Variants in KIAA0513 observed in about 807,000 individuals in gnomAD.
KIAA0513 encodes the protein KIAA0513.
KIAA0513 carries 39 observed loss-of-function variants against 56.5 expected under a neutral mutation model. The observed-to-expected ratio is 0.69, with a 90% CI of 0.53 to 0.90. The LOEUF (loss-of-function observed/expected upper bound fraction) is 0.90. Among genes scored for constraint, KIAA0513 ranks in the 40% least tolerant of loss-of-function variants. The probability of loss-of-function intolerance (pLI) is 0.00; values close to 1 mark genes in which losing one functional copy is unlikely to be tolerated. For synonymous variants in KIAA0513, 268 were observed against 215.6 expected, an observed-to-expected ratio of 1.24 and a Z score of -2.13; for missense variants, 591 against 535.2, an observed-to-expected ratio of 1.10 and a Z score of -1.03.
At chr16:85,043,401 ATTTTTTTTTTT>A (rs761248323) in intron 1 of KIAA0513, among the ~76,000 whole-genome samples, 4 of 77,910 alleles carry the variant, frequency 5.1e-5, no homozygotes, top group South Asian at 5.5e-4. Context: ...TGCTTCTTGG[ATTTTTTTTTTT>A]TTTTTTTTTT....
chr16:85,038,582 C>T (rs1214670122), intron 1 of KIAA0513, among the ~76,000 whole-genome samples: 6 of 151,778 alleles, frequency 4.0e-5, no homozygotes, highest in Admixed American at 2.0e-4. Flanking sequence ...GTGGTGGGCA[C>T]CTGTAATCCC....
At chr16:85,033,813 T>C (rs1310417092) in intron 1 of KIAA0513, among the ~76,000 whole-genome samples, 2 of 152,178 alleles carry the variant, frequency 1.3e-5, no homozygotes, top group African/African-American at 4.8e-5. Context: ...GACTAAGTAA[T>C]ATGTGCAGAT....
intron 12 of KIAA0513, 62 bp from the exon 13 acceptor site, chr16:85,088,214 C>T: frequency 6.7e-7 from 1 of 1,489,336 alleles, no homozygotes; most frequent in South Asian, 1.1e-5. Context: ...GTGACAAGAG[C>T]AGGATATACC....
rs3751752 is a variant in KIAA0513 at position 85,081,884 on chromosome 16, G to A, written c.980+492G>A. On this transcript the variant is annotated intron_variant, in intron 9 of 12. Coordinates refer to ENST00000683363, the MANE Select transcript of KIAA0513 (RefSeq NM_001388359.1). The surrounding 1 kb of genome is among the most constrained non-coding windows in gnomAD (Gnocchi z 4.4). ...AGCTTCACCGAGGGCCACCTCGCAC[G>A]TGGCAGAGGGGAGGGGCTGGCACCC... Among the ~76,000 whole-genome samples the A allele has an allele frequency of 0.061, 9,251 of 152,286 alleles. 467 individuals carry two copies. The highest frequency in any genetic ancestry group is 0.26 in the East Asian group (1,340 of 5,166).
At chr16:85,083,260 C>T (rs1597647281) in intron 10 of KIAA0513, among the ~76,000 whole-genome samples, 1 of 152,188 alleles carries the variant, frequency 6.6e-6, no homozygotes, top group Non-Finnish European at 1.5e-5. Flanking sequence ...TTTCTGTGGG[C>T]TCGAATCCTT....
At chr16:85,048,406 C>T (rs1411505725) in intron 1 of KIAA0513, among the ~76,000 whole-genome samples, 1 of 152,170 alleles carries the variant, frequency 6.6e-6, no homozygotes, top group African/African-American at 2.4e-5. Flanking sequence ...TGTCTGTATC[C>T]AGGTAGTCAC....
intron 1 of KIAA0513, among the ~76,000 whole-genome samples, chr16:85,034,205 C>T (rs1472337881): frequency 1.3e-5 from 2 of 151,976 alleles, no homozygotes; most frequent in Non-Finnish European, 2.9e-5. Flanking sequence ...ATGGTGAAAA[C>T]CTCTCTCTTA....
chr16:85,028,018 CG>C (rs1201412262), intron 1 of KIAA0513, among the ~76,000 whole-genome samples, 160 bp downstream of exon 1: 2 of 148,570 alleles, frequency 1.3e-5, no homozygotes, highest in Admixed American at 1.3e-4. Flanking sequence ...GCGGGGCGAG[CG>C]GGGGCGGGGC....
chr16:85,049,716 T>C (rs2073222403), intron 1 of KIAA0513, among the ~76,000 whole-genome samples: 1 of 152,198 alleles, frequency 6.6e-6, no homozygotes, highest in Non-Finnish European at 1.5e-5. Flanking sequence ...GCCAGCATCA[T>C]GCTTCCTGCC....
At chr16:85,062,020 T>C (rs1014870386) in intron 1 of KIAA0513, among the ~76,000 whole-genome samples, 1 of 152,110 alleles carries the variant, frequency 6.6e-6, no homozygotes, top group South Asian at 2.1e-4. Context: ...TCAATGCTGG[T>C]TCTCCCTCTT....
rs190962592 is a variant in KIAA0513 at position 85,066,905 on chromosome 16, G to C, written c.-167G>C. 1.8e-6 allele frequency: 1 copy of C among 541,462 alleles called. No homozygotes were observed. The highest frequency in any genetic ancestry group is 1.9e-5 in the African/African-American group (1 of 52,204). The allele number at this position is 541,462 out of a possible 1,614,324, so 33.5% of individuals were successfully genotyped here. ...TGTCTGTGTTTCCATTCTAGATGCC[G>C]TAGGGCCAGGTGAGCTGCTGTGAAG... On this transcript the variant is annotated 5_prime_UTR_variant, in exon 2 of 13. Coordinates refer to ENST00000683363, the MANE Select transcript of KIAA0513 (RefSeq NM_001388359.1).
chr16:85,036,299 A>G (rs2073035582), intron 1 of KIAA0513, among the ~76,000 whole-genome samples: 1 of 152,196 alleles, frequency 6.6e-6, no homozygotes, highest in Admixed American at 6.5e-5. Flanking sequence ...CCATCACTCC[A>G]TCAACGAAAC....
At chr16:85,028,799 G>A (rs2072923475) in intron 1 of KIAA0513, among the ~76,000 whole-genome samples, 1 of 152,208 alleles carries the variant, frequency 6.6e-6, no homozygotes, top group South Asian at 2.1e-4. Flanking sequence ...CAGCCTCTGA[G>A]CTGGCACAGG....
chr16:85,079,560 T>G (rs1446922521), intron 8 of KIAA0513: 1 of 154,750 alleles, frequency 6.5e-6, no homozygotes, highest in Non-Finnish European at 1.4e-5. Flanking sequence ...GCCCAAGTAT[T>G]GTATCATCCC....
intron 8 of KIAA0513, among the ~76,000 whole-genome samples, chr16:85,080,496 T>G (rs1183604710): frequency 1.3e-5 from 2 of 152,150 alleles, no homozygotes; most frequent in Non-Finnish European, 2.9e-5. Context: ...CTGATGTTCT[T>G]TAAGAAGAAT....
chr16:85,047,504 A>G (rs2073187606), intron 1 of KIAA0513, among the ~76,000 whole-genome samples: 3 of 152,212 alleles, frequency 2.0e-5, no homozygotes, highest in Admixed American at 2.0e-4. Context: ...ACACGGAGAA[A>G]AAAAGCCAGC....
intron 2 of KIAA0513, among the ~76,000 whole-genome samples, chr16:85,070,786 C>T (rs552588128): frequency 5.9e-5 from 9 of 152,326 alleles, no homozygotes; most frequent in South Asian, 4.1e-4. Context: ...GAGATGGGTG[C>T]GCTTTCTCTG....
chr16:85,057,827 C>T (rs2073351419), intron 1 of KIAA0513, among the ~76,000 whole-genome samples: 1 of 150,342 alleles, frequency 6.7e-6, no homozygotes, highest in Non-Finnish European at 1.5e-5. Flanking sequence ...GAGGCTGCCT[C>T]TTTCAAGCCA....
chr16:85,029,307 A>G (rs537389321), intron 1 of KIAA0513, among the ~76,000 whole-genome samples: 11 of 152,314 alleles, frequency 7.2e-5, no homozygotes, highest in Non-Finnish European at 1.6e-4. Flanking sequence ...TCTGTGTTAC[A>G]TTCTGACGTT....
Sources: allele counts gnomAD v4.1 joint callset (sites outside exome capture counted in the v4.1 genomes callset), GRCh38; gene constraint gnomAD v4.1.1; non-coding constraint Gnocchi (gnomAD v3.1); transcripts MANE v1.5; gene names NCBI Gene and HGNC (gene_info 2026-07-23, HGNC 2026-07-21).